LARP1B: variants seen among roughly 807,000 people sequenced by gnomAD.
LARP1B encodes La ribonucleoprotein 1B.
Under a neutral mutation model 114.2 loss-of-function variants are expected in LARP1B, and 76 were observed. That is an observed-to-expected ratio of 0.67 (90% CI 0.55 to 0.81). The LOEUF is 0.81. Among genes scored for constraint, LARP1B ranks in the 30% least tolerant of loss-of-function variants. LARP1B has a pLI of 0.00. For synonymous variants in LARP1B, 345 were observed against 348.0 expected (o/e 0.99, Z 0.10); for missense variants, 1,014 against 1,075.8 (o/e 0.94, Z 0.80).
intron 11 of LARP1B, among the ~76,000 whole-genome samples, chr4:128,151,751 C>A (rs1732889761): frequency 6.6e-6 from 1 of 151,936 alleles, no homozygotes; most frequent in African/African-American, 2.4e-5. Context: ...TACAGGCATG[C>A]ACTACCATGT....
intron 10 of LARP1B, 86 bp downstream of exon 10, chr4:128,114,828 T>A: frequency 1.6e-6 from 2 of 1,251,904 alleles, no homozygotes; most frequent in Non-Finnish European, 2.2e-6. Flanking sequence ...GGTACATATG[T>A]AAAATTTGGA....
intron 7 of LARP1B, 65 bp downstream of exon 7, chr4:128,091,577 C>A (rs148455671): frequency 4.6e-5 from 54 of 1,185,554 alleles, no homozygotes; most frequent in Middle Eastern, 4.8e-4. Context: ...ACTTTAATGT[C>A]ATTGATAATG....
intron 1 of LARP1B, among the ~76,000 whole-genome samples, chr4:128,064,155 C>A (rs113301224): frequency 0.029 from 4,427 of 150,606 alleles, 222 homozygotes; most frequent in African/African-American, 0.1. Context: ...GCCTGTAATA[C>A]CAGCTACTCA....
rs375319010 is a variant in LARP1B, at chr4:128,107,587, A to G, written c.988+274A>G. 24 of 1,374,544 alleles carry G rather than the reference A, an allele frequency of 1.7e-5. No individual in the cohort carries two copies. The African/African-American group carries it at 1.9e-4, about 11-fold the overall frequency. 85.1% of individuals were successfully genotyped at this position (1,374,544 alleles called of 1,614,324 possible). A position where few individuals can be genotyped will look rare whatever the true frequency, so the allele number is the denominator to read the frequency against. On this transcript the variant is annotated intron_variant, in intron 9 of 19. Coordinates refer to ENST00000326639, the MANE Select transcript of LARP1B (RefSeq NM_018078.4). ...TATGGAGTTTCTATCTTTTATTTTT[A>G]CTAAATAACTATAGATATGTATCGT...
intron 1 of LARP1B, among the ~76,000 whole-genome samples, chr4:128,066,776 C>A (rs1001518891): frequency 6.7e-6 from 1 of 148,944 alleles, no homozygotes; most frequent in African/African-American, 2.5e-5. Context: ...CGTGCCTGGC[C>A]GGGCTTTCTA....
At chr4:128,124,262 A>G (rs60096181) in intron 11 of LARP1B, among the ~76,000 whole-genome samples, 4,041 of 152,252 alleles carry the variant, frequency 0.027, 162 homozygotes, top group African/African-American at 0.093. Flanking sequence ...ATTACAATAA[A>G]TACTCTAAAA....
intron 1 of LARP1B, chr4:128,062,115 C>T (rs1264996144): frequency 3.6e-5 from 35 of 985,278 alleles, no homozygotes; most frequent in Non-Finnish European, 4.0e-5. Context: ...CGGCAGCCGC[C>T]GCTGCTGCCG....
intron 8 of LARP1B, among the ~76,000 whole-genome samples, chr4:128,100,400 G>A (rs923659638): frequency 1.3e-5 from 2 of 152,012 alleles, no homozygotes; most frequent in African/African-American, 4.8e-5. Context: ...AGCCTCCCAA[G>A]TAGCTGGTAC....
In LARP1B at chr4:128,155,673, G is replaced by A. The variant is rs532541075; in HGVS notation, c.1525-6521G>A. The A allele has an allele frequency of 2.6e-5, 42 of 1,597,580 alleles. No homozygotes were observed. The East Asian group carries it at 6.0e-4, about 23-fold the overall frequency. On this transcript the variant is annotated intron_variant, in intron 11 of 19. Coordinates refer to ENST00000326639, the MANE Select transcript of LARP1B (RefSeq NM_018078.4). ...GGCCGCCTCCAGTGGTGTGTCCAAG[G>A]CCTTGTGAACAGATCAGCCCGGAGG...
upstream of LARP1B, chr4:128,061,154 C>T (rs1468733654): frequency 6.6e-6 from 1 of 152,120 alleles, no homozygotes; most frequent in African/African-American, 2.4e-5. Context: ...CGGGGCAGAC[C>T]CTCGGGCCGG....
intron 10 of LARP1B, among the ~76,000 whole-genome samples, chr4:128,118,082 A>ATTTTTTTTTTT (rs34699544): frequency 1.3e-5 from 1 of 76,736 alleles, no homozygotes; most frequent in Non-Finnish European, 2.3e-5. Flanking sequence ...GGCCCGGCTA[A>ATTTTTTTTTTT]TTTTTTTTTT....
At chr4:128,097,314 T>A (rs922986591) in intron 7 of LARP1B, among the ~76,000 whole-genome samples, 1 of 152,022 alleles carries the variant, frequency 6.6e-6, no homozygotes, top group African/African-American at 2.4e-5. Flanking sequence ...TGTTTTGTTT[T>A]GTTTTTTTTT....
Position 128,178,427 on chromosome 4 carries a change from G to T in LARP1B, c.1685-4G>T, listed in dbSNP as rs546708525. 7.5e-6 allele frequency: 12 copies of T among 1,591,254 alleles called. No individual in the cohort carries two copies. The highest frequency in any genetic ancestry group is 1.0e-5 in the Non-Finnish European group (12 of 1,167,666). ...AATAATTTTAAGAGTTTTTTATTTT[G>T]CAGATTTGACTGATGAATTAGCTCA... On this transcript the variant is annotated splice_polypyrimidine_tract_variant and splice_region_variant and intron_variant, in intron 13 of 19. Coordinates refer to ENST00000326639, the MANE Select transcript of LARP1B (RefSeq NM_018078.4).
chr4:128,181,032 T>C (rs1748154193), intron 15 of LARP1B, among the ~76,000 whole-genome samples: 1 of 152,208 alleles, frequency 6.6e-6, no homozygotes. Context: ...GTGGGTTTAA[T>C]GTAGGCAGCA....
intron 9 of LARP1B, chr4:128,108,170 A>G: frequency 8.1e-7 from 1 of 1,239,696 alleles, no homozygotes; most frequent in Non-Finnish European, 1.0e-6. Context: ...CCTGGGCTGC[A>G]TGGGCTGCTT....
At chr4:128,093,793 G>A (rs557869756) in intron 7 of LARP1B, among the ~76,000 whole-genome samples, 132 of 144,356 alleles carry the variant, frequency 9.1e-4, no homozygotes, top group African/African-American at 3.3e-3. Context: ...TCACTGCAAC[G>A]TCCGCCTCCC....
chr4:128,151,894 G>A (rs772748107), intron 11 of LARP1B, among the ~76,000 whole-genome samples: 1 of 152,218 alleles, frequency 6.6e-6, no homozygotes, highest in East Asian at 1.9e-4. Context: ...GTGAGCCACC[G>A]CGCCCAGCCA....
At chr4:128,086,372 C>T (rs1773567231) in intron 5 of LARP1B, among the ~76,000 whole-genome samples, 1 of 151,924 alleles carries the variant, frequency 6.6e-6, no homozygotes, top group South Asian at 2.1e-4. Context: ...CTCTGTCTTC[C>T]AGGCTAAGTG....
chr4:128,095,753 T>C (rs1192789771), intron 7 of LARP1B, among the ~76,000 whole-genome samples: 1 of 152,112 alleles, frequency 6.6e-6, no homozygotes, highest in African/African-American at 2.4e-5. Context: ...TTCAAGGGCA[T>C]CTTTAGTCAC....
Sources: gnomAD v4.1 joint callset for allele counts (sites outside exome capture counted in the v4.1 genomes callset) on GRCh38, gnomAD v4.1.1 for gene constraint, MANE v1.5 for transcripts, NCBI Gene and HGNC (gene_info 2026-07-23, HGNC 2026-07-21) for gene names.